PTPRR: variants seen among roughly 807,000 people sequenced by gnomAD.
PTPRR encodes protein tyrosine phosphatase receptor type R, also known as receptor-type tyrosine-protein phosphatase R.
Under a neutral mutation model 77.2 loss-of-function variants are expected in PTPRR, and 38 were observed. That is an observed-to-expected ratio of 0.49 (90% CI 0.38 to 0.65). The LOEUF is 0.65. PTPRR is among the 30% of genes least tolerant of loss of function. The pLI, the probability that PTPRR is intolerant of heterozygous loss-of-function variation, is 0.00. For synonymous variants in PTPRR, 299 were observed against 283.1 expected (o/e 1.06, Z -0.57); for missense variants, 744 against 799.2 (o/e 0.93, Z 0.83).
intron 6 of PTPRR, among the ~76,000 whole-genome samples, chr12:70,721,011 A>G (rs1889231514): frequency 6.6e-6 from 1 of 152,198 alleles, no homozygotes; most frequent in South Asian, 2.1e-4. Context: ...ATGTCAACAC[A>G]GGTTTAGTTA....
chr12:70,899,252 A>AT (rs1429911121), intron 1 of PTPRR, among the ~76,000 whole-genome samples: 13 of 151,444 alleles, frequency 8.6e-5, no homozygotes, highest in Non-Finnish European at 3.0e-5. Flanking sequence ...ACAAAAGCAG[A>AT]TAGAGACAAT....
At chr12:70,683,150 G>T (rs1887736332) in intron 10 of PTPRR, among the ~76,000 whole-genome samples, 1 of 152,072 alleles carries the variant, frequency 6.6e-6, no homozygotes, top group Non-Finnish European at 1.5e-5. Context: ...CTGTACTCAA[G>T]GATTATAATC....
chr12:70,817,600 T>C (rs938018068), intron 2 of PTPRR, among the ~76,000 whole-genome samples: 1 of 152,192 alleles, frequency 6.6e-6, no homozygotes, highest in Non-Finnish European at 1.5e-5. Context: ...ACTACTTTTA[T>C]ACACAGTCTT....
intron 2 of PTPRR, among the ~76,000 whole-genome samples, chr12:70,819,157 C>T (rs1219140459): frequency 6.6e-6 from 1 of 152,126 alleles, no homozygotes; most frequent in Non-Finnish European, 1.5e-5. Context: ...CCCATCTCTA[C>T]TAAAAATACA....
intron 2 of PTPRR, among the ~76,000 whole-genome samples, chr12:70,765,944 G>C (rs958154389): frequency 6.6e-6 from 1 of 152,218 alleles, no homozygotes; most frequent in Non-Finnish European, 1.5e-5. Context: ...CAGACCTGCA[G>C]CTGAGGGTCC....
chr12:70,756,397 A>G (rs17108707), intron 4 of PTPRR, among the ~76,000 whole-genome samples: 13,779 of 152,132 alleles, frequency 0.091, 650 homozygotes, highest in Non-Finnish European at 0.1. Flanking sequence ...GATCTAAAAA[A>G]CTTGATAAGG....
chr12:70,676,884 T>A (rs1216923891), intron 10 of PTPRR, among the ~76,000 whole-genome samples: 1 of 148,656 alleles, frequency 6.7e-6, no homozygotes, highest in East Asian at 2.0e-4. Flanking sequence ...GTCTCAAGAA[T>A]GATTTGGCTA....
At chr12:70,872,183 A>G (rs1056776042) in intron 2 of PTPRR, among the ~76,000 whole-genome samples, 8 of 152,150 alleles carry the variant, frequency 5.3e-5, no homozygotes, top group African/African-American at 1.9e-4. Flanking sequence ...CAGAAATTAC[A>G]TTTAGATATA....
At chr12:70,847,460 T>C (rs1430764207) in intron 2 of PTPRR, among the ~76,000 whole-genome samples, 1 of 152,188 alleles carries the variant, frequency 6.6e-6, no homozygotes, top group East Asian at 1.9e-4. Context: ...TCTGCTTGTA[T>C]TATTGCAGGA....
intron 2 of PTPRR, among the ~76,000 whole-genome samples, chr12:70,890,405 T>C (rs928197156): frequency 5.3e-5 from 8 of 152,090 alleles, no homozygotes; most frequent in African/African-American, 1.4e-4. Context: ...GCGGTGGCAA[T>C]TGGGAATCAG....
intron 1 of PTPRR, among the ~76,000 whole-genome samples, chr12:70,894,623 C>T (rs1893394465): frequency 6.6e-6 from 1 of 151,606 alleles, no homozygotes; most frequent in Non-Finnish European, 1.5e-5. Context: ...ATAATAAATA[C>T]ACACCTTGTG....
chr12:70,703,289 T>C (rs375467568), intron 6 of PTPRR, among the ~76,000 whole-genome samples: 9 of 152,332 alleles, frequency 5.9e-5, no homozygotes, highest in African/African-American at 9.6e-5. Context: ...TTGGGGGGTA[T>C]GTTTCTGAAA....
intron 2 of PTPRR, among the ~76,000 whole-genome samples, chr12:70,813,914 G>C (rs929478029): frequency 6.6e-6 from 1 of 152,140 alleles, no homozygotes; most frequent in Non-Finnish European, 1.5e-5. Context: ...CTGAGGCAGG[G>C]GGAATAAAAC....
intron 2 of PTPRR, among the ~76,000 whole-genome samples, chr12:70,819,070 C>A (rs933221240): frequency 5.9e-5 from 9 of 152,172 alleles, no homozygotes; most frequent in African/African-American, 1.7e-4. Context: ...CCTGTAATCC[C>A]GGCATTTTGG....
At chr12:70,708,451 A>G (rs1229708155) in intron 6 of PTPRR, among the ~76,000 whole-genome samples, 1 of 152,166 alleles carries the variant, frequency 6.6e-6, no homozygotes, top group Non-Finnish European at 1.5e-5. Flanking sequence ...ATCTTGTTTA[A>G]GCATCAATAA....
At chr12:70,760,536 G>A (rs1322049292) in intron 4 of PTPRR, among the ~76,000 whole-genome samples, 1 of 152,192 alleles carries the variant, frequency 6.6e-6, no homozygotes, top group Non-Finnish European at 1.5e-5. Flanking sequence ...ACTCACATCT[G>A]TAATCCCAGC....
chr12:70,642,533 T>G (rs139567665), intron 13 of PTPRR, among the ~76,000 whole-genome samples: 1 of 152,288 alleles, frequency 6.6e-6, no homozygotes, highest in Non-Finnish European at 1.5e-5. Flanking sequence ...AGTAAGTTGA[T>G]ATCATGATAT....
intron 2 of PTPRR, among the ~76,000 whole-genome samples, chr12:70,805,383 C>T (rs1891691428): frequency 6.6e-6 from 1 of 152,022 alleles, no homozygotes; most frequent in African/African-American, 2.4e-5. Context: ...GTGGCCCAGG[C>T]TGGAGTAGAG....
intron 11 of PTPRR, 196 bp from the exon 12 acceptor site, chr12:70,661,293 T>C (rs1244041723): frequency 1.5e-6 from 1 of 683,748 alleles, no homozygotes; most frequent in East Asian, 2.9e-5. Flanking sequence ...GTTTGCAAAG[T>C]GAGAAAGTCA....
Sources: gnomAD v4.1 joint callset for allele counts (sites outside exome capture counted in the v4.1 genomes callset) on GRCh38, gnomAD v4.1.1 for gene constraint, MANE v1.5 for transcripts, NCBI Gene and HGNC (gene_info 2026-07-23, HGNC 2026-07-21) for gene names.